MAPK13: variants seen among roughly 807,000 people sequenced by gnomAD.
MAPK13 encodes mitogen-activated protein kinase 13, also known as MAP kinase 13.
A neutral mutation model predicts 53.5 loss-of-function variants in MAPK13; 39 were observed. The ratio of observed to expected loss-of-function variants is 0.73; its 90% CI spans 0.56 to 0.95. MAPK13 has a LOEUF of 0.95. Among genes scored for constraint, MAPK13 ranks in the 40% least tolerant of loss-of-function variants. The pLI, the probability that MAPK13 is intolerant of heterozygous loss-of-function variation, is 0.00. For synonymous variants in MAPK13, 179 were observed against 190.9 expected (o/e 0.94, Z 0.51); for missense variants, 460 against 471.8 (o/e 0.98, Z 0.23).
intron 8 of MAPK13, among the ~76,000 whole-genome samples, chr6:36,137,202 T>C (rs189246930): frequency 1.3e-4 from 20 of 152,090 alleles, no homozygotes; most frequent in African/African-American, 4.6e-4. Context: ...AGACCCCATC[T>C]CTAAAAAAGT....
chr6:36,138,762 C>T lies in MAPK13; in HGVS notation c.823C>T (p.Pro275Ser). Residue 275 changes from proline (P) to serine (S), a missense_variant, in exon 10 of 12, where the codon CCA becomes TCA. By Grantham distance (74) the Pro-to-Ser change is moderately conservative (BLOSUM62 -1). Transcript: ENST00000211287. Reference sequence around the variant, plus strand: ...CAGGAAGGATTTCACTCAGCTGTTCCCACGGGCCAGCCCCCAGGGTGAGTC... The same window carrying T: ...CAGGAAGGATTTCACTCAGCTGTTCTCACGGGCCAGCCCCCAGGGTGAGTC... Reference protein sequence around the residue: ...TPRKDFTQLFPRASPQAADLL... With the variant: ...TPRKDFTQLFSRASPQAADLL... The T allele has an allele frequency of 6.2e-7, 1 of 1,614,196 alleles. No individual in the cohort carries two copies. Among genetic ancestry groups the T allele is most frequent in the Non-Finnish European group, 8.5e-7 (1 of 1,180,032 alleles).
At chr6:36,134,539 C>T (rs1766377762) in intron 3 of MAPK13, among the ~76,000 whole-genome samples, 1 of 152,260 alleles carries the variant, frequency 6.6e-6, no homozygotes, top group Admixed American at 6.5e-5. Context: ...ACTACAGATG[C>T]ATGCCACCAT....
chr6:36,144,275 CTAT>C lies in MAPK13; in HGVS notation c.*4903_*4905del. The C allele has an allele frequency of 6.6e-6, 1 of 152,242 alleles. No homozygotes were observed. Among genetic ancestry groups the C allele is most frequent in the Admixed American group, 6.5e-5 (1 of 15,296 alleles). 9.4% of individuals were successfully genotyped at this position (152,242 alleles called of 1,614,324 possible). A position where few individuals can be genotyped will look rare whatever the true frequency, so the allele number is the denominator to read the frequency against. On this transcript the variant is annotated 3_prime_UTR_variant, in exon 12 of 12. Transcript: ENST00000211287. ...TATTTTTAAAATGTATAACGTGATA[CTAT>C]GTGTATAGGTTTCTTTATTAACATA...
At chr6:36,131,967 T>C (rs939829325) in intron 2 of MAPK13, among the ~76,000 whole-genome samples, 3 of 152,200 alleles carry the variant, frequency 2.0e-5, no homozygotes, top group Admixed American at 1.3e-4. Context: ...GACCATCAGA[T>C]TGTCTTGTCT....
In MAPK13 at chr6:36,132,656, C is replaced by T. The variant is rs147493282; in HGVS notation, c.285C>T (p.Ser95=). The T allele has an allele frequency of 2.5e-6, 4 of 1,614,238 alleles. No individual in the cohort carries two copies. The highest frequency in any genetic ancestry group is 2.5e-6 in the Non-Finnish European group (3 of 1,180,040). ...IGLLDVFTPA[S]SLRNFYDFYL... ...TCCTGGATGTCTTCACCCCAGCCTC[C>T]TCCCTGCGCAACTTCTATGACTTGT... is the stretch of plus-strand genomic sequence containing the variant. Residue 95 remains serine, a synonymous_variant, in exon 3 of 12, where the codon TCC becomes TCT. Transcript: ENST00000211287.
In MAPK13 at chr6:36,136,481, C is replaced by T; in HGVS notation, c.448-3C>T. Reference sequence around the variant, plus strand: ...TAGCATGCATTCTCTGTCCTCCCCCCAGGACCTGAAGCCAGGCAACCTGGC... The same window carrying T: ...TAGCATGCATTCTCTGTCCTCCCCCTAGGACCTGAAGCCAGGCAACCTGGC... On this transcript the variant is annotated splice_polypyrimidine_tract_variant and splice_region_variant and intron_variant, in intron 5 of 11. Transcript: ENST00000211287. The T allele has an allele frequency of 6.3e-7, 1 of 1,593,124 alleles. No individual in the cohort carries two copies. The highest frequency in any genetic ancestry group is 1.3e-5 in the African/African-American group (1 of 74,328).
Position 36,139,597 on chromosome 6 carries a change from C to G in MAPK13, c.*224C>G, listed in dbSNP as rs1018954334. On this transcript the variant is annotated 3_prime_UTR_variant, in exon 12 of 12. Transcript: ENST00000211287. ...ACGTTAAACTGCCCATCTGGAGAAT[C>G]GCCTGCAGGTGGGGCCCTTTCCTTC... 25 of 528,314 alleles carry G rather than the reference C, an allele frequency of 4.7e-5. No homozygotes were observed. The African/African-American group carries it at 4.8e-4, about 10-fold the overall frequency. The allele number at this position is 528,314 out of a possible 1,614,324, so 32.7% of individuals were successfully genotyped here.
At chr6:36,138,813 T>C (rs764505054) in intron 10 of MAPK13, 33 bp downstream of exon 10, 3 of 1,613,784 alleles carry the variant, frequency 1.9e-6, no homozygotes, top group Admixed American at 3.3e-5. Context: ...CAGGGGCCTC[T>C]CAGCGTATCC....
rs1334260882 is a variant in MAPK13 at position 36,143,309 on chromosome 6, A to G, written c.*3936A>G. The G allele has an allele frequency of 6.6e-6, 1 of 152,068 alleles. No individual in the cohort carries two copies. The highest frequency in any genetic ancestry group is 1.5e-5 in the Non-Finnish European group (1 of 68,070). 9.4% of individuals were successfully genotyped at this position (152,068 alleles called of 1,614,324 possible). A position where few individuals can be genotyped will look rare whatever the true frequency, so the allele number is the denominator to read the frequency against. On this transcript the variant is annotated 3_prime_UTR_variant, in exon 12 of 12. Coordinates refer to ENST00000211287, the MANE Select transcript of MAPK13 (RefSeq NM_002754.5). ...CACAAGGGGAGACAGAAATGGAGGA[A>G]TAGCCCCCGTAAGGGCAAGCCCAGT...
intron 3 of MAPK13, among the ~76,000 whole-genome samples, chr6:36,135,484 G>C (rs796528784): frequency 1.3e-5 from 2 of 152,348 alleles, no homozygotes; most frequent in African/African-American, 4.8e-5. Context: ...TTGAAGAGCG[G>C]GAACACAGTT....
At chr6:36,136,601 C>A in intron 6 of MAPK13, 55 bp from the exon 7 acceptor site, 1 of 1,607,146 alleles carries the variant, frequency 6.2e-7, no homozygotes. Context: ...GGAAGCCGCT[C>A]CCAGAGCCTC....
chr6:36,132,476 G>A (rs1214228995), intron 2 of MAPK13, 145 bp from the exon 3 acceptor site: 6 of 696,116 alleles, frequency 8.6e-6, no homozygotes, highest in Non-Finnish European at 1.5e-5. Flanking sequence ...CCTTTTTACT[G>A]CTTCCAAGAA....
Position 36,138,345 on chromosome 6 carries a change from A to C in MAPK13, c.683-20A>C. ...CAGACCCACCAGGAGAGCAAGGCTA[A>C]GCCTTAACCTGCCACCAAGACCTGG... On this transcript the variant is annotated intron_variant, in intron 8 of 11. Coordinates refer to ENST00000211287, the MANE Select transcript of MAPK13 (RefSeq NM_002754.5). The C allele has an allele frequency of 6.2e-7, 1 of 1,609,348 alleles. No homozygotes were observed. Among genetic ancestry groups the C allele is most frequent in the Admixed American group, 1.7e-5 (1 of 59,990 alleles).
In MAPK13 at chr6:36,131,306, C is replaced by T. The variant is rs1275730417; in HGVS notation, c.155C>T (p.Ala52Val). 1.9e-6 allele frequency: 3 copies of T among 1,613,842 alleles called. No homozygotes were observed. The South Asian group carries it at 3.3e-5, about 18-fold the overall frequency. ...AIDKRSGEKVAIKKLSRPFQS... is the reference protein window; with the variant it reads ...AIDKRSGEKVVIKKLSRPFQS... ...GACAAGCGGTCAGGGGAGAAGGTGG[C>T]CATCAAGAAGCTGAGCCGACCCTTT... Residue 52 changes from alanine (A) to valine (V), a missense_variant, in exon 2 of 12, where the codon GCC becomes GTC. By Grantham distance (64) the Ala-to-Val change is moderately conservative. Coordinates refer to ENST00000211287, the MANE Select transcript of MAPK13 (RefSeq NM_002754.5).
Position 36,136,065 on chromosome 6 carries a change from C to T in MAPK13, c.447+17C>T. On this transcript the variant is annotated intron_variant, in intron 5 of 11. Coordinates refer to ENST00000211287, the MANE Select transcript of MAPK13 (RefSeq NM_002754.5). ...GTGCACAGGGTGAGTGCTTTCTCTG[C>T]CATGGTCCTCAGAGGCCCCTGTCCC... The T allele has an allele frequency of 6.2e-7, 1 of 1,613,982 alleles. No individual in the cohort carries two copies.
In MAPK13 at chr6:36,144,306, G is replaced by A. The variant is rs1334094694; in HGVS notation, c.*4933G>A. ...GTATAGGTTTCTTTATTAACATATT[G>A]AATAAAAAGATCGAGGGTAGGCCTA... is the stretch of plus-strand genomic sequence containing the variant. On this transcript the variant is annotated 3_prime_UTR_variant, in exon 12 of 12. Coordinates refer to ENST00000211287, the MANE Select transcript of MAPK13 (RefSeq NM_002754.5). 1 of 152,064 alleles carries A rather than the reference G, an allele frequency of 6.6e-6. No individual in the cohort carries two copies. Among genetic ancestry groups the A allele is most frequent in the African/African-American group, 2.4e-5 (1 of 41,396 alleles). The allele number at this position is 152,064 out of a possible 1,614,324, so 9.4% of individuals were successfully genotyped here.
At chr6:36,135,911 C>T (rs1766408309) in intron 4 of MAPK13, 50 bp downstream of exon 4, 1 of 1,598,530 alleles carries the variant, frequency 6.3e-7, no homozygotes, top group African/African-American at 1.3e-5. Flanking sequence ...CTGTCTAGAC[C>T]TGAGGTTTGG....
At chr6:36,134,988 C>T (rs1045280477) in intron 3 of MAPK13, among the ~76,000 whole-genome samples, 4 of 152,122 alleles carry the variant, frequency 2.6e-5, no homozygotes, top group African/African-American at 9.7e-5. Context: ...GCACTCTAGC[C>T]TGGGCGACAG....
At chr6:36,139,233 G>C in intron 11 of MAPK13, 61 bp from the exon 12 acceptor site, 1 of 1,519,194 alleles carries the variant, frequency 6.6e-7, no homozygotes, top group Non-Finnish European at 9.1e-7. Flanking sequence ...TCTCTGAAGG[G>C]GGGTGGACTT....
Sources: gnomAD v4.1 joint callset for allele counts (sites outside exome capture counted in the v4.1 genomes callset) on GRCh38, gnomAD v4.1.1 for gene constraint, MANE v1.5 for transcripts, NCBI Gene and HGNC (gene_info 2026-07-23, HGNC 2026-07-21) for gene names.